FGGY: variants seen among roughly 807,000 people sequenced by gnomAD.
FGGY encodes FGGY carbohydrate kinase domain-containing protein.
FGGY carries 72 observed loss-of-function variants against 71.3 expected under a neutral mutation model. The ratio of observed to expected loss-of-function variants is 1.01; its 90% CI spans 0.84 to 1.23. The LOEUF (loss-of-function observed/expected upper bound fraction) is 1.23, where lower values mean the gene tolerates loss of function less well. FGGY is among the 50% of genes most tolerant of loss of function. The probability of loss-of-function intolerance (pLI) is 0.00; values close to 1 mark genes in which losing one functional copy is unlikely to be tolerated. For missense variants in FGGY, 668 were observed against 682.3 expected, an observed-to-expected ratio of 0.98 and a Z score of 0.23; for synonymous variants, 251 against 250.3, an observed-to-expected ratio of 1.00 and a Z score of -0.02.
intron 5 of FGGY, 25 bp from the exon 6 acceptor site, chr1:59,456,936 A>G (rs115655589): frequency 3.2e-6 from 5 of 1,550,936 alleles, no homozygotes; most frequent in South Asian, 1.1e-5. Context: ...GGTCAGTTCT[A>G]TCTATATCTC....
intron 4 of FGGY, among the ~76,000 whole-genome samples, chr1:59,359,860 T>G (rs1570957695): frequency 6.6e-6 from 1 of 152,122 alleles, no homozygotes; most frequent in African/African-American, 2.4e-5. Context: ...GGCTCAAAAA[T>G]GCAAAGTGAA....
At chr1:59,303,547 A>C (rs893836661) in intron 1 of FGGY, among the ~76,000 whole-genome samples, 49 of 152,104 alleles carry the variant, frequency 3.2e-4, no homozygotes, top group Non-Finnish European at 5.9e-5. Flanking sequence ...ATTGTGAGTA[A>C]TGCTGCAATG....
intron 8 of FGGY, among the ~76,000 whole-genome samples, chr1:59,563,723 G>A (rs1171632156): frequency 1.3e-5 from 2 of 152,164 alleles, no homozygotes; most frequent in African/African-American, 4.8e-5. Flanking sequence ...AAAAGAGCCT[G>A]TATAGCCAAG....
At chr1:59,651,213 A>G (rs918797147) in intron 11 of FGGY, among the ~76,000 whole-genome samples, 11 of 152,152 alleles carry the variant, frequency 7.2e-5, no homozygotes, top group Non-Finnish European at 1.2e-4. Context: ...GGTGCTGAAA[A>G]AAATGTATAT....
At chr1:59,582,663 T>C (rs2096215226) in intron 8 of FGGY, among the ~76,000 whole-genome samples, 1 of 144,820 alleles carries the variant, frequency 6.9e-6, no homozygotes, top group African/African-American at 2.8e-5. Flanking sequence ...GGTGTATCTA[T>C]GTGCATCCAT....
At chr1:59,437,186 C>T (rs1210093932) in intron 5 of FGGY, among the ~76,000 whole-genome samples, 1 of 152,158 alleles carries the variant, frequency 6.6e-6, no homozygotes, top group African/African-American at 2.4e-5. Flanking sequence ...CTGAGGAGCC[C>T]TGTGCTTTAA....
At chr1:59,609,847 G>C (rs188365211) in intron 9 of FGGY, among the ~76,000 whole-genome samples, 2 of 152,266 alleles carry the variant, frequency 1.3e-5, no homozygotes, top group Admixed American at 1.3e-4. Flanking sequence ...GTTGTGCCAG[G>C]CTACAGAAAT....
intron 8 of FGGY, among the ~76,000 whole-genome samples, chr1:59,603,525 G>A (rs565329402): frequency 6.6e-6 from 1 of 152,302 alleles, no homozygotes; most frequent in East Asian, 1.9e-4. Context: ...ATATGTGACA[G>A]CTTACTTAAT....
chr1:59,296,719 GC>G, upstream of FGGY: 1 of 150,928 alleles, frequency 6.6e-6, no homozygotes, highest in Non-Finnish European at 1.5e-5. Flanking sequence ...CTTTACAGGG[GC>G]CGCGCTTTAC....
At chr1:59,480,905 A>G (rs1242613556) in intron 6 of FGGY, among the ~76,000 whole-genome samples, 4 of 152,182 alleles carry the variant, frequency 2.6e-5, no homozygotes, top group African/African-American at 9.6e-5. Flanking sequence ...CTTATATGCC[A>G]GGTGATGTCA....
intron 5 of FGGY, among the ~76,000 whole-genome samples, chr1:59,401,047 A>G (rs1479795238): frequency 1.3e-5 from 2 of 152,168 alleles, no homozygotes; most frequent in Non-Finnish European, 2.9e-5. Flanking sequence ...GCTTTGTATT[A>G]TTTGACATTT....
At position 59,554,195 on chromosome 1, in the gene FGGY, G is replaced by A. The variant is rs532394389; in HGVS notation, c.871G>A (p.Val291Ile). Reference protein sequence around the residue: ...EGQPVTSRLAVICGTSSCHMG... With the variant: ...EGQPVTSRLAIICGTSSCHMG... ...GCAGCCAGTGACGTCACGGCTGGCT[G>A]TCATCTGTGGAACGTCTTCTTGTCA... The change falls in exon 8 of 16, where the codon GTC (valine) becomes ATC (isoleucine). Residue 291 changes from valine to isoleucine, a missense_variant. By Grantham distance (29) the Val-to-Ile change is conservative. Around this residue, in one of 2 missense-constraint regions of FGGY, gnomAD observed 661 missense variants for 661.6 expected, o/e 1.00. Coordinates refer to ENST00000303721, the MANE Select transcript of FGGY (RefSeq NM_018291.5). 1.4e-5 allele frequency: 22 copies of A among 1,613,572 alleles called. No homozygotes were observed. The East Asian group carries it at 3.3e-4, about 25-fold the overall frequency.
intron 7 of FGGY, among the ~76,000 whole-genome samples, chr1:59,553,761 T>C (rs114285978): frequency 1.2e-3 from 176 of 152,358 alleles, no homozygotes; most frequent in African/African-American, 3.9e-3. Flanking sequence ...ACATTAATAA[T>C]ATCTATGATA....
intron 8 of FGGY, among the ~76,000 whole-genome samples, chr1:59,562,517 C>A (rs559339965): frequency 6.6e-6 from 1 of 152,276 alleles, no homozygotes; most frequent in Non-Finnish European, 1.5e-5. Flanking sequence ...GGTGGACTTT[C>A]AGAAACATGA....
chr1:59,546,526 G>T (rs533890282), intron 7 of FGGY, among the ~76,000 whole-genome samples: 11,757 of 88,878 alleles, frequency 0.13, 609 homozygotes, highest in Non-Finnish European at 0.16. Flanking sequence ...TGATGATGAT[G>T]ATGATGATGA....
intron 10 of FGGY, among the ~76,000 whole-genome samples, chr1:59,635,124 C>T (rs1426423221): frequency 2.0e-5 from 3 of 151,878 alleles, no homozygotes; most frequent in African/African-American, 7.3e-5. Context: ...AAAGTCAGAA[C>T]CAAAAAAGGC....
At chr1:59,355,415 A>G (rs915002346) in intron 4 of FGGY, among the ~76,000 whole-genome samples, 46 of 152,200 alleles carry the variant, frequency 3.0e-4, no homozygotes, top group African/African-American at 1.1e-3. Context: ...ATACTGGTAC[A>G]CTGTTCATGG....
chr1:59,393,826 A>G (rs2060993035), intron 5 of FGGY, among the ~76,000 whole-genome samples: 1 of 152,272 alleles, frequency 6.6e-6, no homozygotes, highest in African/African-American at 2.4e-5. Context: ...AATAAAACTT[A>G]AGGTTTGGTT....
intron 8 of FGGY, among the ~76,000 whole-genome samples, chr1:59,594,049 C>T (rs937782601): frequency 1.3e-5 from 2 of 152,184 alleles, no homozygotes; most frequent in African/African-American, 4.8e-5. Context: ...TAACACAAAT[C>T]CCTCAAGTGT....
Sources: gnomAD v4.1 joint callset for allele counts (sites outside exome capture counted in the v4.1 genomes callset) on GRCh38, gnomAD v4.1.1 for gene constraint, gnomAD v4.1.1 regional missense constraint, MANE v1.5 for transcripts, NCBI Gene and HGNC (gene_info 2026-07-23, HGNC 2026-07-21) for gene names.